IL1RAPL1: variants seen among roughly 807,000 people sequenced by gnomAD.
IL1RAPL1 encodes interleukin-1 receptor accessory protein-like 1.
IL1RAPL1 carries 3 observed loss-of-function variants against 48.4 expected under a neutral mutation model. The observed-to-expected ratio is 0.06, with a 90% confidence interval of 0.03 to 0.16. IL1RAPL1 has a LOEUF of 0.16. Ranked by LOEUF, IL1RAPL1 falls within the 10% of genes least tolerant of loss-of-function variation. The pLI is 1.00. For missense variants in IL1RAPL1, 349 were observed against 530.6 expected, an observed-to-expected ratio of 0.66 and a Z score of 3.36; for synonymous variants, 185 against 187.7, an observed-to-expected ratio of 0.99 and a Z score of 0.12.
At chrX:29,641,997 G>A (rs1925182453) in intron 5 of IL1RAPL1, among the ~76,000 whole-genome samples, 1 of 112,212 alleles carries the variant, frequency 8.9e-6, no homozygotes, top group African/African-American at 3.2e-5. Flanking sequence ...GACAGTGTCT[G>A]GGTAGAACAG....
chrX:29,595,394 A>C (rs1263424119), intron 5 of IL1RAPL1, among the ~76,000 whole-genome samples: 1 of 111,986 alleles, frequency 8.9e-6, no homozygotes, highest in African/African-American at 3.2e-5. Flanking sequence ...ATCCATGCTA[A>C]CATCTATTAT....
At chrX:29,920,714 G>C (rs1357380930) in intron 8 of IL1RAPL1, among the ~76,000 whole-genome samples, 1 of 101,882 alleles carries the variant, frequency 9.8e-6, no homozygotes, top group East Asian at 3.2e-4. Flanking sequence ...AGAATCACTT[G>C]AGCCTGGGAG....
intron 5 of IL1RAPL1, among the ~76,000 whole-genome samples, chrX:29,461,500 C>A (rs1934802452): frequency 9.0e-6 from 1 of 110,911 alleles, no homozygotes; most frequent in Non-Finnish European, 1.9e-5. Flanking sequence ...TTGCATAAAA[C>A]CCAGCAACTC....
intron 2 of IL1RAPL1, among the ~76,000 whole-genome samples, chrX:28,960,977 T>G (rs1924755705): frequency 2.5e-5 from 2 of 79,528 alleles, no homozygotes; most frequent in Non-Finnish European, 4.3e-5. Flanking sequence ...ACCGCTGCAC[T>G]CCAGCCTGGG....
At chrX:29,952,561 T>C (rs1340080446) in intron 9 of IL1RAPL1, among the ~76,000 whole-genome samples, 4 of 112,336 alleles carry the variant, frequency 3.6e-5, no homozygotes, top group African/African-American at 1.3e-4. Flanking sequence ...TTAACCGATA[T>C]TATGTACTGA....
intron 6 of IL1RAPL1, among the ~76,000 whole-genome samples, chrX:29,802,810 T>TA (rs1929977695): frequency 2.2e-5 from 1 of 46,301 alleles, no homozygotes; most frequent in African/African-American, 1.1e-4. Flanking sequence ...TATATATATA[T>TA]GTGTGTATAT....
intron 5 of IL1RAPL1, among the ~76,000 whole-genome samples, chrX:29,430,800 TTAAAA>T (rs1410986979): frequency 1.8e-5 from 2 of 110,379 alleles, no homozygotes; most frequent in Non-Finnish European, 3.8e-5. Flanking sequence ...AATAAAATAA[TTAAAA>T]TAATTAACAT....
At chrX:29,376,944 T>C (rs1933632121) in intron 3 of IL1RAPL1, among the ~76,000 whole-genome samples, 2 of 111,938 alleles carry the variant, frequency 1.8e-5, no homozygotes, top group Admixed American at 1.9e-4. Context: ...ATCACCCTGC[T>C]GTCAGTGGGT....
At chrX:29,886,813 A>G (rs770081712) in intron 6 of IL1RAPL1, among the ~76,000 whole-genome samples, 1 of 111,918 alleles carries the variant, frequency 8.9e-6, no homozygotes, top group East Asian at 2.8e-4. Context: ...TATAGTTCCT[A>G]AAGTAATTGT....
At chrX:29,452,004 G>A (rs1306528017) in intron 5 of IL1RAPL1, among the ~76,000 whole-genome samples, 2 of 111,088 alleles carry the variant, frequency 1.8e-5, no homozygotes, top group African/African-American at 3.3e-5. Context: ...AACACTTGTC[G>A]TGGAAAAAGT....
At chrX:29,028,270 C>T (rs1016689091) in intron 2 of IL1RAPL1, among the ~76,000 whole-genome samples, 3 of 107,427 alleles carry the variant, frequency 2.8e-5, no homozygotes, top group Non-Finnish European at 3.8e-5. Flanking sequence ...CACCATTTTA[C>T]GCCCTACTGT....
At chrX:29,057,621 G>A (rs945982455) in intron 2 of IL1RAPL1, among the ~76,000 whole-genome samples, 11 of 110,394 alleles carry the variant, frequency 1.0e-4, no homozygotes, top group African/African-American at 3.6e-4. Flanking sequence ...TAGAGATGGG[G>A]TTTCACCATG....
chrX:29,085,549 GATCACA>G (rs1927934879), intron 2 of IL1RAPL1, among the ~76,000 whole-genome samples: 1 of 112,040 alleles, frequency 8.9e-6, no homozygotes, highest in Non-Finnish European at 1.9e-5. Context: ...GCTTGCCCAA[GATCACA>G]TAGTAAGTGT....
intron 6 of IL1RAPL1, among the ~76,000 whole-genome samples, chrX:29,712,487 TAAATC>T: frequency 8.9e-6 from 1 of 112,095 alleles, no homozygotes. Context: ...AATAAGAACT[TAAATC>T]TAAAGGAGAT....
intron 5 of IL1RAPL1, among the ~76,000 whole-genome samples, chrX:29,496,667 T>C (rs1056723215): frequency 9.0e-6 from 1 of 111,159 alleles, no homozygotes; most frequent in South Asian, 3.8e-4. Flanking sequence ...TTTATTAAAA[T>C]GCAAGAATGG....
At chrX:29,453,828 C>T (rs1349570789) in intron 5 of IL1RAPL1, among the ~76,000 whole-genome samples, 3 of 112,094 alleles carry the variant, frequency 2.7e-5, no homozygotes, top group African/African-American at 6.5e-5. Context: ...GCACTATCTC[C>T]CATATTTCAA....
chrX:29,681,578 C>A (rs1201422886), intron 6 of IL1RAPL1, among the ~76,000 whole-genome samples: 1 of 112,100 alleles, frequency 8.9e-6, no homozygotes. Context: ...ACTCTCCCAG[C>A]AGACATTTTC....
At chrX:28,848,541 T>C (rs1921573058) in intron 2 of IL1RAPL1, among the ~76,000 whole-genome samples, 1 of 111,028 alleles carries the variant, frequency 9.0e-6, no homozygotes, top group Non-Finnish European at 1.9e-5. Context: ...GATTTATCAT[T>C]TTATTTTTTC....
chrX:28,943,277 G>A (rs1014154785), intron 2 of IL1RAPL1, among the ~76,000 whole-genome samples: 2 of 109,657 alleles, frequency 1.8e-5, no homozygotes, highest in African/African-American at 6.6e-5. Context: ...CCTTGGCAGG[G>A]GGATAGAGAG....
Sources: allele counts gnomAD v4.1 joint callset (sites outside exome capture counted in the v4.1 genomes callset), GRCh38; gene constraint gnomAD v4.1.1; transcripts MANE v1.5; gene names NCBI Gene and HGNC (gene_info 2026-07-23, HGNC 2026-07-21).